The following RPH3A variants were observed in gnomAD, a reference collection of about 807,000 sequenced individuals.
The protein encoded by RPH3A is rabphilin 3A, also known as rabphilin-3A.
RPH3A carries 48 observed loss-of-function variants against 102.2 expected under a neutral mutation model. The ratio of observed to expected loss-of-function variants is 0.47; its 90% confidence interval spans 0.37 to 0.60. The LOEUF (loss-of-function observed/expected upper bound fraction) is 0.60. Ranked by LOEUF, RPH3A falls within the 20% of genes least tolerant of loss-of-function variation. The pLI is 0.00. For missense variants in RPH3A, 781 were observed against 910.1 expected, an observed-to-expected ratio of 0.86 and a Z score of 1.83; for synonymous variants, 310 against 324.3, an observed-to-expected ratio of 0.96 and a Z score of 0.47.
At chr12:112,693,810 T>G (rs140062797) in intron 1 of RPH3A, among the ~76,000 whole-genome samples, 1 of 152,362 alleles carries the variant, frequency 6.6e-6, no homozygotes, top group Non-Finnish European at 1.5e-5. Context: ...AAAATCATTG[T>G]GCCTATTTAT....
intron 1 of RPH3A, among the ~76,000 whole-genome samples, chr12:112,669,345 T>C (rs2040111428): frequency 6.6e-6 from 1 of 152,212 alleles, no homozygotes; most frequent in Non-Finnish European, 1.5e-5. Context: ...TCCATAAATA[T>C]ATACAATGAT....
chr12:112,739,446 C>A (rs1015596), intron 1 of RPH3A, among the ~76,000 whole-genome samples: 26,723 of 152,080 alleles, frequency 0.18, 2,521 homozygotes, highest in Admixed American at 0.22. Context: ...GAACTCGTGC[C>A]TGTGGAAACT....
At chr12:112,846,020 CAG>C (rs2042223080) in intron 4 of RPH3A, among the ~76,000 whole-genome samples, 1 of 152,008 alleles carries the variant, frequency 6.6e-6, no homozygotes, top group Non-Finnish European at 1.5e-5. Flanking sequence ...TAAGATTGAG[CAG>C]AGAGGCCAGT....
chr12:112,716,435 G>A (rs2040513867), intron 1 of RPH3A, among the ~76,000 whole-genome samples: 1 of 152,228 alleles, frequency 6.6e-6, no homozygotes, highest in South Asian at 2.1e-4. Flanking sequence ...TGCTTTAACA[G>A]TGGCATTCAG....
intron 2 of RPH3A, among the ~76,000 whole-genome samples, chr12:112,815,597 A>G (rs566740173): frequency 6.0e-4 from 92 of 152,356 alleles, no homozygotes; most frequent in Non-Finnish European, 8.1e-4. Context: ...AGGAGGGAGC[A>G]GGACGCCATT....
chr12:112,701,119 G>T (rs143523963), intron 1 of RPH3A, among the ~76,000 whole-genome samples: 3 of 152,072 alleles, frequency 2.0e-5, no homozygotes, highest in Non-Finnish European at 4.4e-5. Flanking sequence ...CTATGCACTG[G>T]GATACAAACT....
chr12:112,602,860 G>T (rs999136344), intron 1 of RPH3A, among the ~76,000 whole-genome samples: 2 of 152,000 alleles, frequency 1.3e-5, no homozygotes, highest in Admixed American at 6.6e-5. Flanking sequence ...TCCATCTTAG[G>T]TTCATGGCTG....
chr12:112,723,315 T>A (rs1217271367), intron 1 of RPH3A, among the ~76,000 whole-genome samples: 2 of 152,252 alleles, frequency 1.3e-5, no homozygotes, highest in African/African-American at 4.8e-5. Context: ...TTGTATACTG[T>A]AGTCTTACAA....
chr12:112,856,652 C>T (rs1431899855), intron 5 of RPH3A, among the ~76,000 whole-genome samples: 5 of 152,044 alleles, frequency 3.3e-5, no homozygotes, highest in Admixed American at 2.0e-4. Context: ...AATGTGGCCC[C>T]TTTAAAAGCT....
At chr12:112,846,819 G>T (rs112809283) in intron 4 of RPH3A, among the ~76,000 whole-genome samples, 36 of 152,342 alleles carry the variant, frequency 2.4e-4, no homozygotes, top group African/African-American at 8.2e-4. Flanking sequence ...TCTGTTCCCA[G>T]CAGCCTCTGA....
intron 1 of RPH3A, among the ~76,000 whole-genome samples, chr12:112,584,788 T>C (rs572664689): frequency 6.6e-6 from 1 of 152,206 alleles, no homozygotes; most frequent in Non-Finnish European, 1.5e-5. Flanking sequence ...TTTGAGGCTT[T>C]GAAGTGTGCA....
At chr12:112,759,992 C>T in intron 1 of RPH3A, among the ~76,000 whole-genome samples, 1 of 152,004 alleles carries the variant, frequency 6.6e-6, no homozygotes, top group East Asian at 1.9e-4. Flanking sequence ...CCGGCCCGAC[C>T]AGCCGGCCTG....
chr12:112,868,875 G>GTTTT, intron 8 of RPH3A: 1 of 309,874 alleles, frequency 3.2e-6, no homozygotes, highest in Non-Finnish European at 5.9e-6. Flanking sequence ...TTAAAATTAG[G>GTTTT]AACTGAGAGA....
At chr12:112,781,378 C>T (rs966269505) in intron 1 of RPH3A, among the ~76,000 whole-genome samples, 5 of 152,234 alleles carry the variant, frequency 3.3e-5, no homozygotes, top group Non-Finnish European at 4.4e-5. Flanking sequence ...TGATTGAACA[C>T]GACTGTTCCA....
Position 112,745,298 on chromosome 12 carries a change from T to C in RPH3A, c.-139-46845T>C, listed in dbSNP as rs79789921. On this transcript the variant is annotated intron_variant, in intron 1 of 21. Coordinates refer to the RPH3A transcript ENST00000543106. ...TATTCCTGGTGAAGTTGATCACTTA[T>C]GGTTAATACATTTTTCCACTGTAAA... 5.4e-4 allele frequency among the ~76,000 whole-genome samples: 83 copies of C among 152,366 alleles called. 1 individual carries two copies. In the East Asian group the frequency reaches 0.015, roughly 27 times the overall value.
chr12:112,879,258 C>A, intron 14 of RPH3A, 60 bp downstream of exon 14: 1 of 1,410,562 alleles, frequency 7.1e-7, no homozygotes, highest in South Asian at 1.2e-5. Flanking sequence ...CTAGGAGACT[C>A]AGATGGGGAT....
intron 6 of RPH3A, among the ~76,000 whole-genome samples, 169 bp from the exon 7 acceptor site, chr12:112,866,586 CAA>C (rs2042614716): frequency 6.6e-6 from 1 of 152,108 alleles, no homozygotes; most frequent in Non-Finnish European, 1.5e-5. Context: ...TTATTGGAAA[CAA>C]GACTCAAATT....
At chr12:112,620,457 A>G (rs1321132798) in intron 1 of RPH3A, among the ~76,000 whole-genome samples, 3 of 152,150 alleles carry the variant, frequency 2.0e-5, no homozygotes, top group Admixed American at 2.0e-4. Context: ...CCATCTCTAA[A>G]CAGCATCATG....
intron 1 of RPH3A, among the ~76,000 whole-genome samples, chr12:112,611,489 A>C (rs957003986): frequency 2.6e-5 from 4 of 151,824 alleles, no homozygotes; most frequent in Non-Finnish European, 1.5e-5. Flanking sequence ...TTTTTTCGGG[A>C]GTACAATGGC....
Sources: gnomAD v4.1 joint callset for allele counts (sites outside exome capture counted in the v4.1 genomes callset) on GRCh38, gnomAD v4.1.1 for gene constraint, MANE v1.5 for transcripts, NCBI Gene and HGNC (gene_info 2026-07-23, HGNC 2026-07-21) for gene names.